Variants in GRM1 observed in about 807,000 individuals in gnomAD.
GRM1 encodes the protein glutamate metabotropic receptor 1, also known as metabotropic glutamate receptor 1.
A neutral mutation model predicts 90.9 loss-of-function variants in GRM1; 33 were observed. The observed-to-expected ratio is 0.36, with a 90% CI of 0.28 to 0.49. The LOEUF is 0.49. Among genes scored for constraint, GRM1 ranks in the 20% least tolerant of loss-of-function variants. GRM1 has a pLI of 0.99. For missense variants in GRM1, 1,190 were observed against 1,534.3 expected, an observed-to-expected ratio of 0.78 and a Z score of 3.75; for synonymous variants, 700 against 613.2, an observed-to-expected ratio of 1.14 and a Z score of -2.09.
chr6:146,394,164 G>C (rs1183911623), intron 6 of GRM1, among the ~76,000 whole-genome samples: 2 of 152,100 alleles, frequency 1.3e-5, no homozygotes, highest in African/African-American at 2.4e-5. Flanking sequence ...AAAAACTCTA[G>C]AAGAAAACCT....
At chr6:146,313,341 G>C (rs1002300942) in intron 3 of GRM1, among the ~76,000 whole-genome samples, 6 of 152,140 alleles carry the variant, frequency 3.9e-5, no homozygotes, top group African/African-American at 1.4e-4. Context: ...TATTTCTGAA[G>C]TTGAATGGTC....
chr6:146,390,416 C>T (rs554765284), intron 6 of GRM1, among the ~76,000 whole-genome samples: 4 of 152,020 alleles, frequency 2.6e-5, no homozygotes, highest in Admixed American at 2.0e-4. Flanking sequence ...AAATTTCACA[C>T]TTTATTTCTT....
intron 1 of GRM1, among the ~76,000 whole-genome samples, chr6:146,080,929 T>C (rs946481018): frequency 2.6e-5 from 4 of 152,036 alleles, no homozygotes; most frequent in African/African-American, 9.7e-5. Context: ...ACACCCACGG[T>C]GGAGTGGGAA....
intron 1 of GRM1, among the ~76,000 whole-genome samples, chr6:146,095,906 G>A (rs1169931357): frequency 1.3e-5 from 2 of 152,098 alleles, no homozygotes; most frequent in African/African-American, 4.8e-5. Context: ...CTCCAGTGAT[G>A]GTTAACTTGA....
At chr6:146,321,614 A>C (rs554456649) in intron 3 of GRM1, among the ~76,000 whole-genome samples, 15 of 150,876 alleles carry the variant, frequency 9.9e-5, no homozygotes, top group Non-Finnish European at 2.1e-4. Context: ...GTCTCTTTGC[A>C]GGTCTCTAAA....
At chr6:146,351,078 C>G (rs1785390247) in intron 3 of GRM1, among the ~76,000 whole-genome samples, 1 of 152,160 alleles carries the variant, frequency 6.6e-6, no homozygotes, top group Non-Finnish European at 1.5e-5. Flanking sequence ...ACCGTTTCTT[C>G]TAAAGACTCA....
chr6:146,130,983 C>T (rs1776378670), intron 1 of GRM1, among the ~76,000 whole-genome samples: 1 of 152,240 alleles, frequency 6.6e-6, no homozygotes, highest in East Asian at 1.9e-4. Context: ...TTGAGTCAAC[C>T]TAACAATAGT....
intron 1 of GRM1, among the ~76,000 whole-genome samples, chr6:146,112,491 A>G (rs1003964499): frequency 9.2e-5 from 14 of 151,862 alleles, no homozygotes; most frequent in African/African-American, 3.4e-4. Context: ...AAGTGTTTAG[A>G]TTTTTCTGTG....
chr6:146,315,340 T>C (rs752598170), intron 3 of GRM1, among the ~76,000 whole-genome samples: 11 of 152,090 alleles, frequency 7.2e-5, no homozygotes, highest in Non-Finnish European at 1.0e-4. Context: ...TGAGCTATGA[T>C]TGTGGCACTG....
chr6:146,134,243 G>C (rs1776520345), intron 1 of GRM1, among the ~76,000 whole-genome samples: 1 of 152,164 alleles, frequency 6.6e-6, no homozygotes, highest in Non-Finnish European at 1.5e-5. Context: ...GAACCTTTCT[G>C]AGCCCCAGTT....
chr6:146,110,647 C>T (rs1472641265), intron 1 of GRM1, among the ~76,000 whole-genome samples: 2 of 152,174 alleles, frequency 1.3e-5, no homozygotes, highest in African/African-American at 4.8e-5. Flanking sequence ...TCAAGTCTCC[C>T]TCCTTCCTAA....
intron 5 of GRM1, among the ~76,000 whole-genome samples, chr6:146,384,509 G>A (rs1282843335): frequency 1.3e-5 from 2 of 152,086 alleles, no homozygotes; most frequent in African/African-American, 4.8e-5. Flanking sequence ...GCTGTAAGTT[G>A]CTTAACTGCA....
intron 2 of GRM1, among the ~76,000 whole-genome samples, chr6:146,294,555 T>C (rs1783109645): frequency 6.6e-6 from 1 of 152,150 alleles, no homozygotes; most frequent in African/African-American, 2.4e-5. Context: ...GGAGACCTTA[T>C]ACATGTTCAT....
At chr6:146,037,410 A>G (rs1461807797) in intron 1 of GRM1, among the ~76,000 whole-genome samples, 2 of 152,024 alleles carry the variant, frequency 1.3e-5, no homozygotes, top group Admixed American at 1.3e-4. Flanking sequence ...GCTCAAGATC[A>G]TAAAATTCAT....
intron 1 of GRM1, among the ~76,000 whole-genome samples, chr6:146,090,490 A>T (rs1776678985): frequency 6.6e-6 from 1 of 152,156 alleles, no homozygotes; most frequent in South Asian, 2.1e-4. Context: ...TGAGCTTCTC[A>T]TAAGTGCCTA....
At chr6:146,063,330 C>A (rs772305820) in intron 1 of GRM1, among the ~76,000 whole-genome samples, 5 of 152,088 alleles carry the variant, frequency 3.3e-5, no homozygotes, top group Non-Finnish European at 5.9e-5. Flanking sequence ...TGTTTTTAAT[C>A]GAGTCTCATC....
At chr6:146,289,629 C>T (rs899196393) in intron 2 of GRM1, among the ~76,000 whole-genome samples, 9 of 152,176 alleles carry the variant, frequency 5.9e-5, no homozygotes, top group African/African-American at 2.2e-4. Context: ...CTCATTGTCT[C>T]ACCCAGAGCA....
At chr6:146,148,970 C>T (rs1777215220) in intron 1 of GRM1, among the ~76,000 whole-genome samples, 1 of 152,126 alleles carries the variant, frequency 6.6e-6, no homozygotes, top group South Asian at 2.1e-4. Context: ...ACGTGGAAAC[C>T]ACAGTGGGAA....
intron 2 of GRM1, among the ~76,000 whole-genome samples, chr6:146,203,345 G>T (rs1009630437): frequency 1.3e-5 from 2 of 152,042 alleles, no homozygotes; most frequent in Non-Finnish European, 1.5e-5. Context: ...CCCTCTGTCG[G>T]GGGTTCATCT....
Sources: allele counts gnomAD v4.1 joint callset (sites outside exome capture counted in the v4.1 genomes callset), GRCh38; gene constraint gnomAD v4.1.1; transcripts MANE v1.5; gene names NCBI Gene and HGNC (gene_info 2026-07-23, HGNC 2026-07-21).